The following DDB2 variants were observed in gnomAD, a reference collection of about 807,000 sequenced individuals.
The protein encoded by DDB2 is DNA damage-binding protein 2.
In DDB2, 27 loss-of-function variants were observed where a neutral mutation model predicts 50.5. The ratio of observed to expected loss-of-function variants is 0.53; its 90% CI spans 0.39 to 0.74. DDB2 has a LOEUF of 0.74. DDB2 is among the 30% of genes least tolerant of loss of function. The pLI is 0.00. For synonymous variants in DDB2, 176 were observed against 205.5 expected, an observed-to-expected ratio of 0.86 and a Z score of 1.23; for missense variants, 424 against 545.6, an observed-to-expected ratio of 0.78 and a Z score of 2.22.
chr11:47,233,091 TTCTTTC>T (rs1953672964), intron 4 of DDB2, 132 bp downstream of exon 4: 1 of 1,074,468 alleles, frequency 9.3e-7, no homozygotes, highest in South Asian at 1.3e-5. Flanking sequence ...CTTTCCGCCC[TTCTTTC>T]TCTTTCTCAA....
chr11:47,232,341 T>A (rs1468958522), intron 3 of DDB2, among the ~76,000 whole-genome samples: 1 of 150,452 alleles, frequency 6.6e-6, no homozygotes, highest in Admixed American at 6.6e-5. Flanking sequence ...AAAATAAAAA[T>A]AAAAATAAAA....
intron 3 of DDB2, among the ~76,000 whole-genome samples, chr11:47,224,442 G>A (rs1266553335): frequency 6.6e-6 from 1 of 152,012 alleles, no homozygotes; most frequent in African/African-American, 2.4e-5. Flanking sequence ...TAGAGACAGG[G>A]TTTCACCATG....
intron 7 of DDB2, chr11:47,236,146 T>C (rs1027729748): frequency 6.6e-6 from 1 of 152,188 alleles, no homozygotes; most frequent in African/African-American, 2.4e-5. Flanking sequence ...TTGCCCAAGC[T>C]GGTCTTGAAC....
intron 3 of DDB2, among the ~76,000 whole-genome samples, chr11:47,222,627 T>C (rs1383598428): frequency 6.6e-6 from 1 of 152,240 alleles, no homozygotes; most frequent in Non-Finnish European, 1.5e-5. Flanking sequence ...ATTATAGGCG[T>C]GAGCCCCTGC....
chr11:47,216,469 G>A lies in DDB2; in HGVS notation c.261G>A (p.Gln87=), dbSNP rs1953402467. 1 of 1,613,030 alleles carries A rather than the reference G, an allele frequency of 6.2e-7. No homozygotes were observed. Among genetic ancestry groups the A allele is most frequent in the East Asian group, 2.2e-5 (1 of 44,880 alleles). Residue 87 remains glutamine (Q), a synonymous_variant, in exon 2 of 10, where the codon CAG becomes CAA. Coordinates refer to ENST00000256996, the MANE Select transcript of DDB2 (RefSeq NM_000107.3). ...KLGRASWPSV[Q]QGLQQSFLHT... ...GCAGAGCTTCCTGGCCATCTGTCCAGCAGGTAAGGCATTTTTTGCCTCAAG... is the reference window on the plus strand; with the variant it reads ...GCAGAGCTTCCTGGCCATCTGTCCAACAGGTAAGGCATTTTTTGCCTCAAG...
chr11:47,236,510 C>T (rs150925443), intron 7 of DDB2, among the ~76,000 whole-genome samples: 67 of 152,226 alleles, frequency 4.4e-4, no homozygotes, highest in Non-Finnish European at 7.3e-4. Flanking sequence ...TGGTGGGGAG[C>T]GCCAGTTTCC....
In DDB2 at chr11:47,237,974, T is replaced by C. The variant is rs752136193; in HGVS notation, c.1161T>C (p.Tyr387=). 6.2e-7 allele frequency: 1 copy of C among 1,614,204 alleles called. No individual in the cohort carries two copies. Among genetic ancestry groups the C allele is most frequent in the Non-Finnish European group, 8.5e-7 (1 of 1,180,038 alleles). ...GNSGKMMCQL[Y]DPESSGISSL... ...CAGGGAAGATGATGTGTCAGCTCTA[T>C]GACCCAGAATCTTCTGGCATCAGTT... The change falls in exon 8 of 10, where the codon TAT becomes TAC. Residue 387 remains tyrosine (Y), a synonymous_variant. Coordinates refer to ENST00000256996, the MANE Select transcript of DDB2 (RefSeq NM_000107.3).
intron 7 of DDB2, chr11:47,235,622 A>G (rs774423409): frequency 1.6e-6 from 1 of 606,852 alleles, no homozygotes; most frequent in Non-Finnish European, 2.9e-6. Flanking sequence ...TGTCTCGCTG[A>G]TAAGATATTT....
chr11:47,215,574 G>A (rs1953390093), intron 1 of DDB2: 3 of 408,038 alleles, frequency 7.4e-6, no homozygotes, highest in Non-Finnish European at 1.4e-5. Flanking sequence ...CGCTGTGTGT[G>A]CTGGATTTCA....
At chr11:47,235,018 A>G (rs1205599627) in intron 6 of DDB2, 84 bp downstream of exon 6, 13 of 1,500,102 alleles carry the variant, frequency 8.7e-6, no homozygotes, top group African/African-American at 5.5e-5. Context: ...GGAAGCCACT[A>G]CGTCAAACCT....
intron 4 of DDB2, 49 bp downstream of exon 4, chr11:47,233,008 T>A (rs745328254): frequency 6.2e-7 from 1 of 1,604,294 alleles, no homozygotes; most frequent in South Asian, 1.1e-5. Flanking sequence ...TTAGGTGTAG[T>A]TCCGGCAAGA....
intron 4 of DDB2, among the ~76,000 whole-genome samples, chr11:47,233,914 T>TC (rs928819110): frequency 6.6e-6 from 1 of 152,114 alleles, no homozygotes; most frequent in Non-Finnish European, 1.5e-5. Context: ...AGGCTACTCT[T>TC]CCGCAAGAAA....
At chr11:47,231,655 T>C (rs1953651606) in intron 3 of DDB2, among the ~76,000 whole-genome samples, 1 of 152,142 alleles carries the variant, frequency 6.6e-6, no homozygotes, top group African/African-American at 2.4e-5. Flanking sequence ...TCTGAGTAGC[T>C]AGAACCACAT....
chr11:47,220,574 G>A (rs1047158569), intron 3 of DDB2: 2 of 152,164 alleles, frequency 1.3e-5, no homozygotes, highest in African/African-American at 4.8e-5. Flanking sequence ...TCTTTACACT[G>A]TAATGAAGAT....
At chr11:47,236,988 A>T (rs1015867196) in intron 7 of DDB2, among the ~76,000 whole-genome samples, 4 of 152,228 alleles carry the variant, frequency 2.6e-5, no homozygotes, top group Non-Finnish European at 5.9e-5. Context: ...AGTTTAGGAA[A>T]ATCCCATCCA....
chr11:47,216,116 C>G, intron 1 of DDB2: 1 of 704,784 alleles, frequency 1.4e-6, no homozygotes, highest in Non-Finnish European at 2.6e-6. Context: ...ACTTTCACTT[C>G]AGACTTACTG....
rs370540741 is a variant in DDB2 at position 47,232,831 on chromosome 11, C to T, written c.474C>T (p.Ser158=). ...TFIKGIGAGG[S]ITGLKFNPLN... Reference sequence around the variant, plus strand: ...CGTGTTAGATTGGAGCTGGAGGGAGCATCACTGGGCTGAAGTTTAACCCTC... The same window carrying T: ...CGTGTTAGATTGGAGCTGGAGGGAGTATCACTGGGCTGAAGTTTAACCCTC... Residue 158 remains serine, a synonymous_variant, in exon 4 of 10, where the codon AGC becomes AGT. Transcript: ENST00000256996. The T allele has an allele frequency of 1.9e-6, 3 of 1,613,702 alleles. No homozygotes were observed. The highest frequency in any genetic ancestry group is 2.5e-6 in the Non-Finnish European group (3 of 1,180,030).
At chr11:47,227,000 A>G (rs1390739775) in intron 3 of DDB2, among the ~76,000 whole-genome samples, 1 of 146,372 alleles carries the variant, frequency 6.8e-6, no homozygotes, top group African/African-American at 2.5e-5. Flanking sequence ...GGATCTTGCT[A>G]TGTCTCCCAG....
Position 47,235,513 on chromosome 11 carries a change from C to A in DDB2, c.1023+101C>A, listed in dbSNP as rs1953713775. On this transcript the variant is annotated intron_variant, in intron 7 of 9. Transcript: ENST00000256996. The stretch of plus-strand genomic sequence containing the variant: ...AAGGGCTGATGTGGTAAGCCTGCCA[C>A]CCCAGATCGCTCCTGGCCCGAGCAC... 1.7e-5 allele frequency: 22 copies of A among 1,293,556 alleles called. No individual in the cohort carries two copies. The South Asian group carries it at 2.2e-4, about 13-fold the overall frequency. The allele number at this position is 1,293,556 out of a possible 1,614,324, so 80.1% of individuals were successfully genotyped here.
Sources: gnomAD v4.1 joint callset for allele counts (sites outside exome capture counted in the v4.1 genomes callset) on GRCh38, gnomAD v4.1.1 for gene constraint, MANE v1.5 for transcripts, NCBI Gene and HGNC (gene_info 2026-07-23, HGNC 2026-07-21) for gene names.